Variants in IL1RAPL1 observed in about 807,000 individuals in gnomAD.
IL1RAPL1 encodes the protein interleukin 1 receptor accessory protein like 1.
Under a neutral mutation model 48.4 loss-of-function variants are expected in IL1RAPL1, and 3 were observed. That is an observed-to-expected ratio of 0.06 (90% CI 0.03 to 0.16). The LOEUF is 0.16. Ranked by LOEUF, IL1RAPL1 falls within the 10% of genes least tolerant of loss-of-function variation. The pLI, the probability that IL1RAPL1 is intolerant of heterozygous loss-of-function variation, is 1.00. For synonymous variants in IL1RAPL1, 185 were observed against 187.7 expected (o/e 0.99, Z 0.12); for missense variants, 349 against 530.6 (o/e 0.66, Z 3.36).
chrX:29,008,289 C>T (rs768358368), intron 2 of IL1RAPL1, among the ~76,000 whole-genome samples: 4 of 109,016 alleles, frequency 3.7e-5, no homozygotes, highest in Non-Finnish European at 5.7e-5. Context: ...CCTGCCTCAG[C>T]CTCCCGAGTA....
intron 1 of IL1RAPL1, among the ~76,000 whole-genome samples, chrX:28,754,826 G>A (rs191609638): frequency 9.8e-5 from 11 of 112,046 alleles, no homozygotes; most frequent in African/African-American, 3.6e-4. Context: ...CGTGAATGAA[G>A]CACGGATATA....
chrX:28,848,197 A>G (rs1425807078), intron 2 of IL1RAPL1, among the ~76,000 whole-genome samples: 1 of 111,146 alleles, frequency 9.0e-6, no homozygotes, highest in Non-Finnish European at 1.9e-5. Context: ...GAGCATTAGG[A>G]CAAATACCTA....
chrX:29,672,501 G>A (rs775388319), intron 6 of IL1RAPL1, among the ~76,000 whole-genome samples: 1 of 111,071 alleles, frequency 9.0e-6, no homozygotes, highest in East Asian at 2.8e-4. Context: ...GAGTTTATCC[G>A]TATTTGAAAG....
intron 5 of IL1RAPL1, among the ~76,000 whole-genome samples, chrX:29,633,276 T>G (rs943050981): frequency 2.7e-5 from 3 of 111,663 alleles, no homozygotes; most frequent in African/African-American, 9.8e-5. Context: ...TGATTTCATT[T>G]ACCTAAATTT....
chrX:29,337,625 A>G (rs1223798090), intron 3 of IL1RAPL1, among the ~76,000 whole-genome samples: 2 of 111,649 alleles, frequency 1.8e-5, no homozygotes, highest in African/African-American at 3.3e-5. Context: ...TTTTTTCTGT[A>G]TTAAATAAGA....
At chrX:29,146,390 C>T (rs1473486597) in intron 2 of IL1RAPL1, among the ~76,000 whole-genome samples, 2 of 111,266 alleles carry the variant, frequency 1.8e-5, no homozygotes, top group Non-Finnish European at 3.8e-5. Flanking sequence ...AAATTGCAAA[C>T]TTACCTCCAT....
At chrX:29,595,868 G>A (rs997168547) in intron 5 of IL1RAPL1, among the ~76,000 whole-genome samples, 1 of 111,272 alleles carries the variant, frequency 9.0e-6, no homozygotes, top group Admixed American at 9.6e-5. Context: ...TTGGTTTTAG[G>A]TCTTAGATTT....
At chrX:28,716,568 A>C (rs907716023) in intron 1 of IL1RAPL1, among the ~76,000 whole-genome samples, 1 of 111,719 alleles carries the variant, frequency 9.0e-6, no homozygotes, top group African/African-American at 3.3e-5. Context: ...CAAACATATA[A>C]AAATTCTGGA....
At chrX:29,937,480 A>G (rs1430975408) in intron 8 of IL1RAPL1, among the ~76,000 whole-genome samples, 3 of 112,255 alleles carry the variant, frequency 2.7e-5, no homozygotes, top group Non-Finnish European at 5.6e-5. Context: ...AGGATAAGCA[A>G]TAATAGGTAG....
intron 1 of IL1RAPL1, among the ~76,000 whole-genome samples, chrX:28,717,090 A>G (rs1207664852): frequency 9.0e-6 from 1 of 111,714 alleles, no homozygotes; most frequent in Non-Finnish European, 1.9e-5. Context: ...AGAGTGTGAC[A>G]ATTCCTCAAA....
At chrX:28,897,474 T>G (rs1489456863) in intron 2 of IL1RAPL1, among the ~76,000 whole-genome samples, 1 of 105,822 alleles carries the variant, frequency 9.4e-6, no homozygotes. Flanking sequence ...AGGGAGAGAT[T>G]GAAGTGTGGC....
intron 2 of IL1RAPL1, among the ~76,000 whole-genome samples, chrX:29,015,344 G>A (rs761346085): frequency 2.2e-4 from 24 of 110,496 alleles, no homozygotes; most frequent in Admixed American, 1.5e-3. Flanking sequence ...TAAAACTTTC[G>A]CTCTGAAATT....
intron 2 of IL1RAPL1, among the ~76,000 whole-genome samples, chrX:29,085,751 TGGAGAGCTACAGCCC>T (rs1450639895): frequency 8.9e-6 from 1 of 111,740 alleles, no homozygotes; most frequent in East Asian, 2.8e-4. Flanking sequence ...GATGATAAAC[TGGAGAGCTACAGCCC>T]AGCTAAACAT....
Position 28,624,509 on chromosome X carries a change from T to C in IL1RAPL1, c.-25+36462T>C, listed in dbSNP as rs1339242420. On this transcript the variant is annotated intron_variant, in intron 1 of 10. Coordinates refer to ENST00000378993, the MANE Select transcript of IL1RAPL1 (RefSeq NM_014271.4). ...GCGTATGCACCCCACAGATCAAACTTATTTCATTTTCTCTACCTGTTGGTC... is the reference window on the plus strand; with the variant it reads ...GCGTATGCACCCCACAGATCAAACTCATTTCATTTTCTCTACCTGTTGGTC... Among the ~76,000 whole-genome samples the C allele has an allele frequency of 3.6e-5, 4 of 111,851 alleles. 1 individual carries two copies. Among genetic ancestry groups the C allele is most frequent in the Non-Finnish European group, 7.5e-5 (4 of 53,173 alleles).
chrX:28,680,401 A>G lies in IL1RAPL1; in HGVS notation c.-25+92354A>G, dbSNP rs1008306166. On this transcript the variant is annotated intron_variant, in intron 1 of 10. Coordinates refer to ENST00000378993, the MANE Select transcript of IL1RAPL1 (RefSeq NM_014271.4). Reference sequence around the variant, plus strand: ...TTACACATATGATCATGTCATCTACAAACAGGGATAGTTTTACTTCTTCCT... The same window carrying G: ...TTACACATATGATCATGTCATCTACGAACAGGGATAGTTTTACTTCTTCCT... 4.5e-5 allele frequency among the ~76,000 whole-genome samples: 5 copies of G among 111,423 alleles called. No individual in the cohort carries two copies. The Admixed American group carries it at 4.8e-4, about 11-fold the overall frequency.
chrX:28,628,676 T>C (rs1292139094), intron 1 of IL1RAPL1, among the ~76,000 whole-genome samples: 1 of 112,121 alleles, frequency 8.9e-6, no homozygotes, highest in East Asian at 2.8e-4. Flanking sequence ...TTTCACCAGA[T>C]GAAAGCAACT....
At chrX:29,265,574 A>C (rs1931940412) in intron 2 of IL1RAPL1, among the ~76,000 whole-genome samples, 1 of 102,469 alleles carries the variant, frequency 9.8e-6, no homozygotes, top group African/African-American at 3.6e-5. Context: ...GCACCCATTA[A>C]CTTGTCATTT....
chrX:29,661,152 A>AT (rs1925835573), intron 5 of IL1RAPL1, among the ~76,000 whole-genome samples: 1 of 112,142 alleles, frequency 8.9e-6, no homozygotes, highest in Admixed American at 9.5e-5. Context: ...AATGCTACTA[A>AT]TTTTTGTATG....
At chrX:29,937,814 G>A (rs1933056682) in intron 8 of IL1RAPL1, among the ~76,000 whole-genome samples, 1 of 111,742 alleles carries the variant, frequency 8.9e-6, no homozygotes, top group South Asian at 3.8e-4. Context: ...GGGAAAGTCT[G>A]TGATGCTCTC....
Sources: allele counts gnomAD v4.1 joint callset (sites outside exome capture counted in the v4.1 genomes callset), GRCh38; gene constraint gnomAD v4.1.1; transcripts MANE v1.5; gene names NCBI Gene and HGNC (gene_info 2026-07-23, HGNC 2026-07-21).